The following FRMD4A variants were observed in gnomAD, a reference collection of about 807,000 sequenced individuals.
FRMD4A encodes FERM domain containing 4A, also known as FERM domain-containing protein 4A.
Under a neutral mutation model 129.1 loss-of-function variants are expected in FRMD4A, and 29 were observed. That is an observed-to-expected ratio of 0.22 (90% CI 0.17 to 0.31). The LOEUF (loss-of-function observed/expected upper bound fraction) is 0.31, where lower values mean the gene tolerates loss of function less well. Ranked by LOEUF, FRMD4A falls within the 10% of genes least tolerant of loss-of-function variation. The probability of loss-of-function intolerance (pLI) is 1.00; values close to 1 mark genes in which losing one functional copy is unlikely to be tolerated. For missense variants in FRMD4A, 1,272 were observed against 1,375.8 expected (o/e 0.92, Z 1.19); for synonymous variants, 634 against 571.6 (o/e 1.11, Z -1.56).
intron 3 of FRMD4A, among the ~76,000 whole-genome samples, chr10:13,836,252 C>T (rs1012569212): frequency 2.6e-5 from 4 of 152,290 alleles, no homozygotes; most frequent in Admixed American, 1.3e-4. Flanking sequence ...CCTGCTTTGG[C>T]CTCCCAAAGT....
chr10:14,203,636 G>A (rs1842701953), intron 2 of FRMD4A, among the ~76,000 whole-genome samples: 1 of 152,128 alleles, frequency 6.6e-6, no homozygotes, highest in Non-Finnish European at 1.5e-5. Context: ...ATCAGTAAGC[G>A]CTTCCCACGG....
intron 3 of FRMD4A, among the ~76,000 whole-genome samples, chr10:13,845,890 C>G (rs758858434): frequency 6.6e-6 from 1 of 152,216 alleles, no homozygotes; most frequent in Non-Finnish European, 1.5e-5. Context: ...GCCAACCCAA[C>G]CGGCCCCAGA....
chr10:13,791,700 T>G (rs754694584), intron 5 of FRMD4A, among the ~76,000 whole-genome samples: 5 of 152,108 alleles, frequency 3.3e-5, no homozygotes, highest in Non-Finnish European at 5.9e-5. Flanking sequence ...AAGGGACATC[T>G]GTGAGCCCAT....
At position 13,737,790 on chromosome 10, in the gene FRMD4A, C is replaced by T. The variant is rs369531286; in HGVS notation, c.759+54G>A. On this transcript the variant is annotated intron_variant, in intron 12 of 24. Transcript: ENST00000357447. ...AGCATTTTTAAAGTGACTCCTACGCCTGTTCCTCTCTGGATCTGAGAGGAG... is the reference window on the plus strand; with the variant it reads ...AGCATTTTTAAAGTGACTCCTACGCTTGTTCCTCTCTGGATCTGAGAGGAG... 31 of 965,300 alleles carry T rather than the reference C, an allele frequency of 3.2e-5. No individual in the cohort carries two copies. In the East Asian group the frequency reaches 7.4e-4, roughly 23 times the overall value. 59.8% of individuals were successfully genotyped at this position (965,300 alleles called of 1,614,324 possible).
chr10:14,066,591 A>G (rs56100531), intron 2 of FRMD4A, among the ~76,000 whole-genome samples: 1,621 of 152,290 alleles, frequency 0.011, 33 homozygotes, highest in African/African-American at 0.037. Flanking sequence ...AAAAGGGAAC[A>G]CACAGCATCC....
intron 2 of FRMD4A, among the ~76,000 whole-genome samples, chr10:13,867,877 A>C (rs1195486260): frequency 7.1e-6 from 1 of 140,978 alleles, no homozygotes; most frequent in African/African-American, 2.6e-5. Flanking sequence ...ATATATAATA[A>C]ATAATATATA....
At chr10:14,021,932 C>T (rs969631981) in intron 2 of FRMD4A, among the ~76,000 whole-genome samples, 1 of 152,154 alleles carries the variant, frequency 6.6e-6, no homozygotes, top group South Asian at 2.1e-4. Flanking sequence ...GAAATGCATG[C>T]AATCATGAGA....
chr10:14,136,881 G>A (rs532490134), intron 2 of FRMD4A, among the ~76,000 whole-genome samples: 19 of 152,178 alleles, frequency 1.2e-4, no homozygotes, highest in Non-Finnish European at 2.2e-4. Flanking sequence ...TAAATGGACT[G>A]AGACCTGTCT....
intron 4 of FRMD4A, among the ~76,000 whole-genome samples, chr10:13,807,147 T>A (rs965159964): frequency 1.3e-5 from 2 of 152,214 alleles, no homozygotes; most frequent in Non-Finnish European, 2.9e-5. Flanking sequence ...GGCTCTTGGT[T>A]AGTTTCAGGA....
intron 2 of FRMD4A, among the ~76,000 whole-genome samples, chr10:13,885,289 C>T (rs1589158999): frequency 1.3e-5 from 2 of 152,144 alleles, no homozygotes; most frequent in East Asian, 1.9e-4. Context: ...TTTGCTCCTC[C>T]GAATGTCACT....
intron 7 of FRMD4A, 25 bp downstream of exon 7, chr10:13,762,599 A>G: frequency 1.4e-6 from 2 of 1,393,590 alleles, no homozygotes; most frequent in Non-Finnish European, 2.0e-6. Context: ...CGTGGGACAT[A>G]AAGAGGAGGA....
At chr10:14,184,867 C>G (rs925124844) in intron 2 of FRMD4A, among the ~76,000 whole-genome samples, 3 of 152,080 alleles carry the variant, frequency 2.0e-5, no homozygotes, top group African/African-American at 7.2e-5. Flanking sequence ...TCGTGCATGG[C>G]CTGCCCGGAT....
At chr10:14,286,598 G>A (rs968459507) in intron 2 of FRMD4A, among the ~76,000 whole-genome samples, 1 of 152,156 alleles carries the variant, frequency 6.6e-6, no homozygotes, top group Non-Finnish European at 1.5e-5. Flanking sequence ...CACCCTGGAA[G>A]TCAAACAGCT....
intron 3 of FRMD4A, among the ~76,000 whole-genome samples, chr10:13,828,373 T>C (rs1297244373): frequency 6.6e-6 from 1 of 152,220 alleles, no homozygotes; most frequent in East Asian, 1.9e-4. Flanking sequence ...ACGTGTGCAC[T>C]TTAAGTGAGA....
At chr10:13,995,362 T>C (rs116429118) in intron 2 of FRMD4A, among the ~76,000 whole-genome samples, 3,374 of 152,278 alleles carry the variant, frequency 0.022, 135 homozygotes, top group African/African-American at 0.076. Context: ...GGCAGGTGGA[T>C]TGCTTGAGGC....
chr10:13,836,140 C>T (rs1039306113), intron 3 of FRMD4A, among the ~76,000 whole-genome samples: 2 of 152,132 alleles, frequency 1.3e-5, no homozygotes, highest in African/African-American at 2.4e-5. Flanking sequence ...TGGGACTACA[C>T]GTGTGAGCTA....
chr10:14,120,292 T>C (rs958260449), intron 2 of FRMD4A, among the ~76,000 whole-genome samples: 1 of 152,118 alleles, frequency 6.6e-6, no homozygotes, highest in African/African-American at 2.4e-5. Context: ...CTGCCTAGTT[T>C]ATTTCTTTCT....
At chr10:13,899,274 T>C (rs547965766) in intron 2 of FRMD4A, among the ~76,000 whole-genome samples, 53 of 152,352 alleles carry the variant, frequency 3.5e-4, no homozygotes, top group Non-Finnish European at 3.8e-4. Context: ...ACAACTAACA[T>C]TGTGGTGAGT....
intron 2 of FRMD4A, among the ~76,000 whole-genome samples, chr10:13,900,927 A>G (rs1198510182): frequency 1.3e-5 from 2 of 151,974 alleles, no homozygotes; most frequent in African/African-American, 4.8e-5. Context: ...TAAAATAAGA[A>G]GGTTAAAACT....
Sources: allele counts gnomAD v4.1 joint callset (sites outside exome capture counted in the v4.1 genomes callset), GRCh38; gene constraint gnomAD v4.1.1; transcripts MANE v1.5; gene names NCBI Gene and HGNC (gene_info 2026-07-23, HGNC 2026-07-21).